Variants in KYNU observed in about 807,000 individuals in gnomAD.
KYNU encodes L-kynurenine hydrolase.
KYNU carries 54 observed loss-of-function variants against 59.2 expected under a neutral mutation model. That is an observed-to-expected ratio of 0.91 (90% CI 0.73 to 1.14). The LOEUF is 1.14. Among genes scored for constraint, KYNU ranks in the 50% most tolerant of loss-of-function variants. The pLI is 0.00. For synonymous variants in KYNU, 177 were observed against 192.0 expected (o/e 0.92, Z 0.65); for missense variants, 567 against 554.4 (o/e 1.02, Z -0.23).
At chr2:142,918,370 G>A (rs1244191849) in intron 2 of KYNU, among the ~76,000 whole-genome samples, 1 of 152,052 alleles carries the variant, frequency 6.6e-6, no homozygotes, top group African/African-American at 2.4e-5. Context: ...ATTTCCTCAT[G>A]GAGCACAGTA....
At chr2:142,916,614 A>G (rs1682676376) in intron 2 of KYNU, among the ~76,000 whole-genome samples, 1 of 152,216 alleles carries the variant, frequency 6.6e-6, no homozygotes, top group African/African-American at 2.4e-5. Flanking sequence ...CCAGATCATG[A>G]CACCTCTCAG....
chr2:142,925,892 T>A (rs1397769013), intron 3 of KYNU, among the ~76,000 whole-genome samples: 1 of 152,200 alleles, frequency 6.6e-6, no homozygotes, highest in Non-Finnish European at 1.5e-5. Context: ...TCTTTCAAGA[T>A]GACAAACTTT....
At chr2:142,928,241 A>G (rs1410077109) in intron 4 of KYNU, among the ~76,000 whole-genome samples, 2 of 152,202 alleles carry the variant, frequency 1.3e-5, no homozygotes, top group Non-Finnish European at 2.9e-5. Context: ...AAAATGTGCT[A>G]TCCTAAAGAG....
At chr2:142,973,913 C>A (rs1439874) in intron 8 of KYNU, among the ~76,000 whole-genome samples, 152,314 of 152,316 alleles carry the variant, frequency 1, 76,156 homozygotes, top group Non-Finnish European at 1. Context: ...TGCTTGACAA[C>A]GGGAGACAAT....
chr2:142,955,718 T>C (rs1684139552), intron 5 of KYNU, among the ~76,000 whole-genome samples: 2 of 152,190 alleles, frequency 1.3e-5, no homozygotes, highest in African/African-American at 2.4e-5. Flanking sequence ...TTCGTTGTTA[T>C]TGTTGTCAAT....
At chr2:142,921,890 G>A (rs1404773815) in intron 3 of KYNU, among the ~76,000 whole-genome samples, 1 of 151,936 alleles carries the variant, frequency 6.6e-6, no homozygotes, top group Non-Finnish European at 1.5e-5. Flanking sequence ...GTGGTCTGTT[G>A]GTCTCTTCAG....
intron 2 of KYNU, among the ~76,000 whole-genome samples, chr2:142,918,276 A>G (rs1345778108): frequency 1.3e-5 from 2 of 152,164 alleles, no homozygotes; most frequent in Non-Finnish European, 2.9e-5. Flanking sequence ...AGATAGGCTG[A>G]TGTATTTCCT....
At chr2:142,915,219 A>G (rs552929400) in intron 2 of KYNU, among the ~76,000 whole-genome samples, 22 of 152,310 alleles carry the variant, frequency 1.4e-4, no homozygotes, top group African/African-American at 5.1e-4. Flanking sequence ...TTCATTAACT[A>G]CTTCAGGAAA....
At chr2:142,935,198 A>G (rs1683346780) in intron 4 of KYNU, among the ~76,000 whole-genome samples, 1 of 152,234 alleles carries the variant, frequency 6.6e-6, no homozygotes, top group African/African-American at 2.4e-5. Context: ...GTTCCTTTTC[A>G]GCTGGCTGAG....
intron 12 of KYNU, among the ~76,000 whole-genome samples, chr2:143,040,172 C>A (rs1686996248): frequency 6.6e-6 from 1 of 152,012 alleles, no homozygotes; most frequent in African/African-American, 2.4e-5. Flanking sequence ...ATGATATTAA[C>A]TTACATTTTC....
intron 10 of KYNU, among the ~76,000 whole-genome samples, chr2:143,029,080 G>A (rs1432192420): frequency 4.0e-5 from 6 of 151,604 alleles, no homozygotes; most frequent in Non-Finnish European, 5.9e-5. Context: ...AATAAAAACC[G>A]GTCATTAACT....
In KYNU at chr2:142,940,909, C is replaced by G. The variant is rs138941455; in HGVS notation, c.373+13168C>G. ...TTACTTTCACTTTACTTTATGTTTG[C>G]CAGTTTACTATAAAGATACAACTCA... On this transcript the variant is annotated intron_variant, in intron 4 of 13. Transcript: ENST00000264170. Among the ~76,000 whole-genome samples, 57 of 152,294 alleles carry G rather than the reference C, an allele frequency of 3.7e-4. 1 individual carries two copies. The East Asian group carries it at 0.011, about 29-fold the overall frequency.
intron 10 of KYNU, among the ~76,000 whole-genome samples, chr2:143,015,031 C>T (rs1686210075): frequency 6.6e-6 from 1 of 152,106 alleles, no homozygotes; most frequent in Non-Finnish European, 1.5e-5. Flanking sequence ...GTAGGTGGGA[C>T]TAAAGGTGTG....
intron 8 of KYNU, among the ~76,000 whole-genome samples, chr2:142,982,540 A>G (rs1486109232): frequency 6.6e-6 from 1 of 152,104 alleles, no homozygotes; most frequent in Non-Finnish European, 1.5e-5. Context: ...TCCACTAGGC[A>G]GACACACAAA....
At chr2:142,987,928 G>A (rs755695192) in intron 10 of KYNU, among the ~76,000 whole-genome samples, 10 of 151,656 alleles carry the variant, frequency 6.6e-5, no homozygotes, top group Non-Finnish European at 1.3e-4. Flanking sequence ...TCTTCCTCCT[G>A]CTCTGGCCAT....
At chr2:142,990,481 G>T (rs1176426135) in intron 10 of KYNU, among the ~76,000 whole-genome samples, 2 of 151,768 alleles carry the variant, frequency 1.3e-5, no homozygotes, top group African/African-American at 2.4e-5. Flanking sequence ...CATACATTGC[G>T]ATTTAAGATA....
chr2:142,960,587 T>A, intron 7 of KYNU, 37 bp from the exon 8 acceptor site: 1 of 1,582,156 alleles, frequency 6.3e-7, no homozygotes, highest in Non-Finnish European at 8.7e-7. Context: ...AATTTATTAT[T>A]ATCGATATGA....
At chr2:142,976,993 G>T (rs1334938050) in intron 8 of KYNU, among the ~76,000 whole-genome samples, 1 of 152,134 alleles carries the variant, frequency 6.6e-6, no homozygotes, top group Non-Finnish European at 1.5e-5. Flanking sequence ...CCAGTAAGGG[G>T]CTGTGGACAC....
At position 142,966,361 on chromosome 2, in the gene KYNU, G is replaced by A. The variant is rs533572390; in HGVS notation, c.729+5591G>A. Among the ~76,000 whole-genome samples the A allele has an allele frequency of 9.2e-5, 14 of 152,254 alleles. No individual in the cohort carries two copies. The East Asian group carries it at 2.7e-3, about 29-fold the overall frequency. On this transcript the variant is annotated intron_variant, in intron 8 of 13. Coordinates refer to ENST00000264170, the MANE Select transcript of KYNU (RefSeq NM_003937.3). Reference sequence around the variant, plus strand: ...TTTGGCTTTTGTGTCCACAGCCTCTGTCTGGATTCAGTCAAAGGAATGCAC... The same window carrying A: ...TTTGGCTTTTGTGTCCACAGCCTCTATCTGGATTCAGTCAAAGGAATGCAC...
Sources: allele counts gnomAD v4.1 joint callset (sites outside exome capture counted in the v4.1 genomes callset), GRCh38; gene constraint gnomAD v4.1.1; transcripts MANE v1.5; gene names NCBI Gene and HGNC (gene_info 2026-07-23, HGNC 2026-07-21).